Variants in GPHN observed in about 807,000 individuals in gnomAD.
GPHN encodes gephyrin.
Under a neutral mutation model 95.5 loss-of-function variants are expected in GPHN, and 17 were observed. That is an observed-to-expected ratio of 0.18 (90% CI 0.12 to 0.27). The LOEUF is 0.27. Ranked by LOEUF, GPHN falls within the 10% of genes least tolerant of loss-of-function variation. GPHN has a pLI of 1.00. For missense variants in GPHN, 660 were observed against 978.1 expected, an observed-to-expected ratio of 0.67 and a Z score of 4.34; for synonymous variants, 320 against 322.5, an observed-to-expected ratio of 0.99 and a Z score of 0.08.
intron 1 of GPHN, among the ~76,000 whole-genome samples, chr14:66,539,595 G>T (rs944943932): frequency 7.9e-6 from 1 of 126,144 alleles, no homozygotes; most frequent in Non-Finnish European, 1.5e-5. Context: ...TGTATTTTTG[G>T]TAGAGACGGG....
At chr14:67,523,375 A>G in the GPHN span, among the ~76,000 whole-genome samples, 39 of 152,220 alleles carry the variant, frequency 2.6e-4, no homozygotes, top group Admixed American at 5.2e-4. Flanking sequence ...AAAACAGTAC[A>G]GTGCTAGGGA....
chr14:67,248,606 G>T, the GPHN span, among the ~76,000 whole-genome samples: 1 of 152,058 alleles, frequency 6.6e-6, no homozygotes. Context: ...GGCCTCCAGG[G>T]TTCTTGGCAT....
At chr14:66,943,530 C>A (rs1051874361) in intron 8 of GPHN, among the ~76,000 whole-genome samples, 5 of 152,168 alleles carry the variant, frequency 3.3e-5, no homozygotes, top group Non-Finnish European at 5.9e-5. Context: ...AACCTAGCAC[C>A]TGACCTGCAT....
At chr14:67,039,193 C>T (rs1247743707) in intron 10 of GPHN, among the ~76,000 whole-genome samples, 1 of 152,184 alleles carries the variant, frequency 6.6e-6, no homozygotes, top group Non-Finnish European at 1.5e-5. Context: ...CCTCCAACCT[C>T]CAGCTTCATT....
chr14:66,655,830 G>A (rs1288398664), intron 1 of GPHN, among the ~76,000 whole-genome samples: 1 of 151,962 alleles, frequency 6.6e-6, no homozygotes. Context: ...TTTGTGAAAT[G>A]CTTTCCCGCA....
intron 3 of GPHN, among the ~76,000 whole-genome samples, chr14:66,780,691 T>TA (rs1482958311): frequency 1.3e-5 from 2 of 152,094 alleles, no homozygotes; most frequent in East Asian, 3.9e-4. Flanking sequence ...CCTGAGGCAT[T>TA]AAAAAAATGA....
chr14:67,578,716 A>C, the GPHN span: 1 of 870,108 alleles, frequency 1.1e-6, no homozygotes, highest in Non-Finnish European at 1.9e-6. This position sits in a 1 kb window ranked among gnomAD's most constrained non-coding sequence, Gnocchi z 5.0. Flanking sequence ...TCTAGGGCAG[A>C]CCAGATCACT....
the GPHN span, among the ~76,000 whole-genome samples, chr14:67,480,048 C>T: frequency 3.3e-5 from 5 of 152,168 alleles, no homozygotes; most frequent in South Asian, 2.1e-4. Context: ...GTGAGGATAA[C>T]GGAAGTAATG....
the GPHN span, among the ~76,000 whole-genome samples, chr14:67,273,676 T>C: frequency 6.6e-6 from 1 of 152,228 alleles, no homozygotes; most frequent in Non-Finnish European, 1.5e-5. Flanking sequence ...TTTCTAGTTC[T>C]AGATCTCTGA....
chr14:67,284,442 A>AAAAAAAAAAAAAAAAAAC, the GPHN span, among the ~76,000 whole-genome samples: 303 of 142,822 alleles, frequency 2.1e-3, 6 homozygotes, highest in Middle Eastern at 3.7e-3. Context: ...AAAAAAAAAA[A>AAAAAAAAAAAAAAAAAAC]AACAGCTGGG....
intron 3 of GPHN, among the ~76,000 whole-genome samples, chr14:66,802,090 C>T (rs2153477302): frequency 1.3e-5 from 2 of 152,270 alleles, no homozygotes; most frequent in Middle Eastern, 3.4e-3. Flanking sequence ...TCCATAGGTG[C>T]CATCCAGGAG....
At chr14:67,365,668 G>A in the GPHN span, among the ~76,000 whole-genome samples, 9 of 152,166 alleles carry the variant, frequency 5.9e-5, no homozygotes, top group East Asian at 5.8e-4. Context: ...ATACCATTAC[G>A]TAGGTTTTAG....
intron 2 of GPHN, among the ~76,000 whole-genome samples, chr14:66,758,633 C>G (rs2058655092): frequency 6.6e-6 from 1 of 152,122 alleles, no homozygotes; most frequent in Non-Finnish European, 1.5e-5. Context: ...GCCACCATGC[C>G]AGGATAACTG....
chr14:67,692,998 T>C, the GPHN span: 4 of 1,614,202 alleles, frequency 2.5e-6, no homozygotes, highest in Admixed American at 5.0e-5. Flanking sequence ...TGACCACAAC[T>C]ACTTTCCCAG....
chr14:66,642,559 G>T (rs199988137), intron 1 of GPHN, among the ~76,000 whole-genome samples: 52 of 139,894 alleles, frequency 3.7e-4, no homozygotes, highest in East Asian at 8.2e-4. Context: ...TTTGATTTTT[G>T]TTTTTTTTTT....
chr14:66,593,431 G>C (rs1595146295), intron 1 of GPHN, among the ~76,000 whole-genome samples: 2 of 152,232 alleles, frequency 1.3e-5, no homozygotes, highest in East Asian at 1.9e-4. Flanking sequence ...GGGGAAGCAG[G>C]CATGTCTTAC....
At chr14:67,553,039 A>C in the GPHN span, among the ~76,000 whole-genome samples, 1 of 152,230 alleles carries the variant, frequency 6.6e-6, no homozygotes, top group Non-Finnish European at 1.5e-5. Flanking sequence ...CTTGACCCAA[A>C]TGGAAATGCC....
intron 2 of GPHN, among the ~76,000 whole-genome samples, chr14:66,771,551 C>T (rs540042926): frequency 9.2e-5 from 14 of 152,264 alleles, no homozygotes; most frequent in Middle Eastern, 3.4e-3. Flanking sequence ...GCTGGACTTA[C>T]GGCCAAGGTG....
intron 1 of GPHN, among the ~76,000 whole-genome samples, chr14:66,616,381 CATGG>C (rs1219903522): frequency 6.7e-6 from 1 of 149,676 alleles, no homozygotes; most frequent in Admixed American, 6.6e-5. Context: ...GCTGCTGACC[CATGG>C]ATGGGTCAGC....
Sources: allele counts gnomAD v4.1 joint callset (sites outside exome capture counted in the v4.1 genomes callset), GRCh38; gene constraint gnomAD v4.1.1; non-coding constraint Gnocchi (gnomAD v3.1); transcripts MANE v1.5; gene names NCBI Gene and HGNC (gene_info 2026-07-23, HGNC 2026-07-21).